The following SORCS1 variants were observed in gnomAD, a reference collection of about 807,000 sequenced individuals.
The protein encoded by SORCS1 is VPS10 domain-containing receptor SorCS1.
In SORCS1, 60 loss-of-function variants were observed where a neutral mutation model predicts 146.1. The observed-to-expected ratio is 0.41, with a 90% CI of 0.33 to 0.51. The LOEUF (loss-of-function observed/expected upper bound fraction) is 0.51, where lower values mean the gene tolerates loss of function less well. Among genes scored for constraint, SORCS1 ranks in the 20% least tolerant of loss-of-function variants. The pLI is 0.21. For missense variants in SORCS1, 1,352 were observed against 1,487.6 expected, an observed-to-expected ratio of 0.91 and a Z score of 1.50; for synonymous variants, 637 against 584.0, an observed-to-expected ratio of 1.09 and a Z score of -1.31.
At chr10:106,600,808 A>G (rs960709643) in intron 23 of SORCS1, 1 of 665,460 alleles carries the variant, frequency 1.5e-6, no homozygotes, top group African/African-American at 2.0e-5. Context: ...ATCCTAGGGT[A>G]TCTCCATTAA....
intron 2 of SORCS1, among the ~76,000 whole-genome samples, chr10:106,832,065 T>A (rs532576706): frequency 9.2e-5 from 14 of 152,316 alleles, no homozygotes; most frequent in African/African-American, 3.4e-4. Flanking sequence ...CTTCTTAACA[T>A]CTTCCTTCCA....
intron 2 of SORCS1, among the ~76,000 whole-genome samples, chr10:106,875,650 G>A (rs929694753): frequency 1.3e-5 from 2 of 151,974 alleles, no homozygotes; most frequent in African/African-American, 4.8e-5. Flanking sequence ...TTTAATAATG[G>A]CCATTGTTGC....
chr10:106,817,239 G>C (rs1476214154), intron 3 of SORCS1, among the ~76,000 whole-genome samples: 1 of 152,140 alleles, frequency 6.6e-6, no homozygotes, highest in Non-Finnish European at 1.5e-5. Context: ...TTAATTATTT[G>C]AGTCAAGTTG....
chr10:106,950,726 G>A (rs1222623619), intron 2 of SORCS1, among the ~76,000 whole-genome samples: 1 of 152,050 alleles, frequency 6.6e-6, no homozygotes, highest in Non-Finnish European at 1.5e-5. Flanking sequence ...GCAGAGCTCT[G>A]GAAGACAGAT....
At chr10:106,894,949 G>A (rs1456551529) in intron 2 of SORCS1, among the ~76,000 whole-genome samples, 2 of 152,176 alleles carry the variant, frequency 1.3e-5, no homozygotes, top group African/African-American at 4.8e-5. Context: ...GATTACATGA[G>A]TATTTTTTTG....
chr10:106,946,940 T>C (rs1954376184), intron 2 of SORCS1, among the ~76,000 whole-genome samples: 1 of 152,180 alleles, frequency 6.6e-6, no homozygotes. Flanking sequence ...AAGTCAAAGA[T>C]ACATAATTCA....
chr10:107,101,031 A>G (rs898549219), intron 1 of SORCS1, among the ~76,000 whole-genome samples: 1 of 152,084 alleles, frequency 6.6e-6, no homozygotes, highest in African/African-American at 2.4e-5. Flanking sequence ...AGTAGCTAGG[A>G]GTATAGGCAT....
intron 1 of SORCS1, among the ~76,000 whole-genome samples, chr10:107,026,646 TAAAGAG>T (rs1199528432): frequency 1.3e-5 from 2 of 151,600 alleles, no homozygotes; most frequent in African/African-American, 4.8e-5. Context: ...TTGGTTTTGT[TAAAGAG>T]AAAGAGACGC....
chr10:106,956,924 G>C (rs1021305268), intron 1 of SORCS1, among the ~76,000 whole-genome samples: 4 of 152,186 alleles, frequency 2.6e-5, no homozygotes, highest in African/African-American at 9.7e-5. Flanking sequence ...GCAGATGCCT[G>C]GGAGAAAGGA....
chr10:107,157,249 T>C (rs35687261), intron 1 of SORCS1, among the ~76,000 whole-genome samples: 53,464 of 151,750 alleles, frequency 0.35, 11,304 homozygotes, highest in Middle Eastern at 0.52. Flanking sequence ...TTGCCTGTGA[T>C]GGGCTTCAGA....
intron 1 of SORCS1, among the ~76,000 whole-genome samples, chr10:107,083,699 G>A (rs769710169): frequency 6.6e-6 from 1 of 152,180 alleles, no homozygotes; most frequent in Non-Finnish European, 1.5e-5. Flanking sequence ...GTTATTCTAA[G>A]TGAAAGCTTT....
intron 1 of SORCS1, among the ~76,000 whole-genome samples, chr10:106,958,649 G>GCTTC (rs74554963): frequency 0.42 from 64,048 of 151,658 alleles, 16,750 homozygotes; most frequent in Non-Finnish European, 0.58. Context: ...CTACAGCACA[G>GCTTC]CTTCCTTCCT....
At chr10:106,944,671 T>C (rs1263583608) in intron 2 of SORCS1, among the ~76,000 whole-genome samples, 2 of 152,088 alleles carry the variant, frequency 1.3e-5, no homozygotes, top group Admixed American at 1.3e-4. Flanking sequence ...ATTTGCCAAA[T>C]TTCACCTGAA....
Position 106,944,523 on chromosome 10 carries a change from T to C in SORCS1, c.626+11990A>G, listed in dbSNP as rs867882904. Among the ~76,000 whole-genome samples the C allele has an allele frequency of 7.2e-5, 11 of 152,326 alleles. 1 individual carries two copies. Among genetic ancestry groups the C allele is most frequent in the Admixed American group, 5.2e-4 (8 of 15,300 alleles). Reference sequence around the variant, plus strand: ...ACTTCTACTATGGCACTTGACATACTGACATAATCTCTCATGTATTTATCT... The same window carrying C: ...ACTTCTACTATGGCACTTGACATACCGACATAATCTCTCATGTATTTATCT... On this transcript the variant is annotated intron_variant, in intron 2 of 25. Transcript: ENST00000263054.
rs773883445 is a variant in SORCS1, at chr10:106,677,359, C to T, written c.1786G>A (p.Val596Ile). The T allele has an allele frequency of 4.3e-6, 7 of 1,614,008 alleles. No individual in the cohort carries two copies. The South Asian group carries it at 7.7e-5, about 18-fold the overall frequency. Reference sequence around the variant, plus strand: ...GATGTGTGTTTCATAGCAACCAGGACTCCACCTTGATCCAGGTACAAAACA... The same window carrying T: ...GATGTGTGTTTCATAGCAACCAGGATTCCACCTTGATCCAGGTACAAAACA... ...HSVLYLDQGG[V>I]LVAMKHTSLP... Residue 596 changes from valine (V) to isoleucine (I), a missense_variant, in exon 13 of 26, where the codon GTC (valine) becomes ATC (isoleucine). Transcript: ENST00000263054.
chr10:106,934,505 C>T (rs1469356879), intron 2 of SORCS1, among the ~76,000 whole-genome samples: 17 of 152,066 alleles, frequency 1.1e-4, no homozygotes, highest in African/African-American at 2.9e-4. Flanking sequence ...GTGATCCACC[C>T]GCCTTGGCCT....
chr10:106,710,221 G>T (rs551094004), intron 6 of SORCS1, among the ~76,000 whole-genome samples: 23 of 152,282 alleles, frequency 1.5e-4, no homozygotes, highest in East Asian at 7.7e-4. Context: ...GGCCAAAGCA[G>T]GTGGATCACG....
intron 1 of SORCS1, among the ~76,000 whole-genome samples, chr10:107,043,079 T>C (rs1475046749): frequency 6.6e-6 from 1 of 152,184 alleles, no homozygotes; most frequent in African/African-American, 2.4e-5. Flanking sequence ...AAATACACTA[T>C]TAAGCTAAAA....
rs190365056 is a variant in SORCS1 at position 106,910,257 on chromosome 10, C to A, written c.626+46256G>T. ...GTGAAATTTGGGATAATCTACTTAACAATTCTATGCCTCCGTCTCTTTACA... is the reference window on the plus strand; with the variant it reads ...GTGAAATTTGGGATAATCTACTTAAAAATTCTATGCCTCCGTCTCTTTACA... On this transcript the variant is annotated intron_variant, in intron 2 of 25. Coordinates refer to ENST00000263054, the MANE Select transcript of SORCS1 (RefSeq NM_052918.5). Among the ~76,000 whole-genome samples, 214 of 150,580 alleles carry A rather than the reference C, an allele frequency of 1.4e-3. 1 individual carries two copies. The highest frequency in any genetic ancestry group is 1.8e-3 in the Non-Finnish European group (122 of 67,848).
Sources: gnomAD v4.1 joint callset for allele counts (sites outside exome capture counted in the v4.1 genomes callset) on GRCh38, gnomAD v4.1.1 for gene constraint, MANE v1.5 for transcripts, NCBI Gene and HGNC (gene_info 2026-07-23, HGNC 2026-07-21) for gene names.